GGA2: variants seen among roughly 807,000 people sequenced by gnomAD.
GGA2 encodes golgi associated, gamma adaptin ear containing, ARF binding protein 2.
GGA2 carries 48 observed loss-of-function variants against 79.5 expected under a neutral mutation model. The ratio of observed to expected loss-of-function variants is 0.60; its 90% CI spans 0.48 to 0.77. The LOEUF is 0.77. Ranked by LOEUF, GGA2 falls within the 30% of genes least tolerant of loss-of-function variation. GGA2 has a pLI of 0.00. For synonymous variants in GGA2, 317 were observed against 302.0 expected (o/e 1.05, Z -0.51); for missense variants, 770 against 774.0 (o/e 0.99, Z 0.06).
chr16:23,471,198 A>G (rs1389215359), intron 14 of GGA2, among the ~76,000 whole-genome samples: 2 of 152,126 alleles, frequency 1.3e-5, no homozygotes, highest in East Asian at 1.9e-4. Context: ...TCTCTTTTAT[A>G]TGAGTACAAA....
intron 1 of GGA2, among the ~76,000 whole-genome samples, chr16:23,508,229 G>A (rs560919580): frequency 5.8e-4 from 88 of 152,088 alleles, no homozygotes; most frequent in South Asian, 1.0e-3. Context: ...ACCACACATG[G>A]CTATTTTTTG....
intron 2 of GGA2, among the ~76,000 whole-genome samples, chr16:23,518,398 TG>T (rs34554696): frequency 1.2e-3 from 186 of 152,118 alleles, no homozygotes; most frequent in African/African-American, 4.3e-3. Context: ...TTTGTAAAGA[TG>T]GGGGGGTTTC....
chr16:23,465,687 T>C lies in GGA2; in HGVS notation c.*1903A>G. 3.1e-6 allele frequency: 1 copy of C among 324,594 alleles called. No individual in the cohort carries two copies. Among genetic ancestry groups the C allele is most frequent in the Non-Finnish European group, 5.8e-6 (1 of 173,708 alleles). The allele number at this position is 324,594 out of a possible 1,614,324, so 20.1% of individuals were successfully genotyped here. A position where few individuals can be genotyped will look rare whatever the true frequency, so the allele number is the denominator to read the frequency against. On this transcript the variant is annotated 3_prime_UTR_variant, in exon 17 of 17. Transcript: ENST00000309859. Reference sequence around the variant, plus strand: ...CGGGTGCGGTGGCTCACGCCTGTAATCCCAGCACTCTGGGAGGCCAAGGCA... The same window carrying C: ...CGGGTGCGGTGGCTCACGCCTGTAACCCCAGCACTCTGGGAGGCCAAGGCA...
intron 5 of GGA2, among the ~76,000 whole-genome samples, chr16:23,490,938 C>T (rs907446330): frequency 2.8e-4 from 43 of 151,618 alleles, no homozygotes; most frequent in African/African-American, 9.7e-4. Context: ...TAAAGATGGG[C>T]ATGGTGGCTC....
intron 1 of GGA2, among the ~76,000 whole-genome samples, chr16:23,497,039 C>CCTGAGGCTGA (rs59785925): frequency 1.3e-5 from 2 of 150,398 alleles, no homozygotes; most frequent in South Asian, 4.2e-4. Flanking sequence ...GGAAAGACTG[C>CCTGAGGCTGA]GGCTGCAGTG....
intron 1 of GGA2, among the ~76,000 whole-genome samples, chr16:23,496,280 G>T (rs1341311420): frequency 4.2e-4 from 56 of 134,734 alleles, no homozygotes. Context: ...TCCAGCCCAG[G>T]AGACAGAGGG....
chr16:23,493,051 G>T (rs548668597), intron 4 of GGA2, among the ~76,000 whole-genome samples: 4 of 152,140 alleles, frequency 2.6e-5, no homozygotes, highest in African/African-American at 7.2e-5. Flanking sequence ...AAACTTTCAC[G>T]CCACCCCTGG....
At chr16:23,505,468 C>G (rs182750421) in intron 1 of GGA2, among the ~76,000 whole-genome samples, 10 of 152,156 alleles carry the variant, frequency 6.6e-5, no homozygotes, top group African/African-American at 2.4e-4. Context: ...GCGGCTACAT[C>G]TGCAGTCATG....
In GGA2 at chr16:23,470,281, T is replaced by A. The variant is rs1402879480; in HGVS notation, c.1451-116A>T. 13 of 691,692 alleles carry A rather than the reference T, an allele frequency of 1.9e-5. No homozygotes were observed. The African/African-American group carries it at 2.2e-4, about 12-fold the overall frequency. 42.8% of individuals were successfully genotyped at this position (691,692 alleles called of 1,614,324 possible). A position where few individuals can be genotyped will look rare whatever the true frequency, so the allele number is the denominator to read the frequency against. Reference sequence around the variant, plus strand: ...TGCTGTTGCTTCTCCATGCAGAACATGTCCAGGACTGAATTCCTCTGCACT... The same window carrying A: ...TGCTGTTGCTTCTCCATGCAGAACAAGTCCAGGACTGAATTCCTCTGCACT... On this transcript the variant is annotated intron_variant, in intron 14 of 16. Coordinates refer to ENST00000309859, the MANE Select transcript of GGA2 (RefSeq NM_015044.4).
chr16:23,474,083 C>T (rs1964547526), intron 14 of GGA2, among the ~76,000 whole-genome samples: 1 of 152,184 alleles, frequency 6.6e-6, no homozygotes, highest in African/African-American at 2.4e-5. Flanking sequence ...CCGAGCCTTC[C>T]ATTTCCTTCC....
At chr16:23,510,223 C>T (rs1965022467) in intron 1 of GGA2, 98 bp downstream of exon 1, 7 of 739,620 alleles carry the variant, frequency 9.5e-6, no homozygotes, top group Middle Eastern at 4.3e-4. Context: ...GCCGGCCTCC[C>T]CTGCGGCCGC....
At chr16:23,504,302 T>C (rs1964951491) in intron 1 of GGA2, among the ~76,000 whole-genome samples, 1 of 152,190 alleles carries the variant, frequency 6.6e-6, no homozygotes, top group Admixed American at 6.5e-5. Context: ...TTCAGTTCCT[T>C]GACAAAGTTA....
intron 1 of GGA2, among the ~76,000 whole-genome samples, chr16:23,504,797 G>A (rs917107882): frequency 1.3e-5 from 2 of 152,256 alleles, no homozygotes; most frequent in Admixed American, 6.5e-5. Flanking sequence ...GCAGGACAGA[G>A]GGGTGCTGAG....
At chr16:23,491,177 C>T (rs1190501025) in intron 5 of GGA2, among the ~76,000 whole-genome samples, 1 of 151,622 alleles carries the variant, frequency 6.6e-6, no homozygotes, top group African/African-American at 2.4e-5. Context: ...TATGGTGGCA[C>T]ACGCCTGTAG....
chr16:23,520,481 G>A (rs1298252897), intron 1 of GGA2, among the ~76,000 whole-genome samples: 1 of 151,872 alleles, frequency 6.6e-6, no homozygotes, highest in Non-Finnish European at 1.5e-5. Flanking sequence ...TATTTAAAAT[G>A]TATGAAATTC....
chr16:23,475,291 G>A (rs1391536580), intron 13 of GGA2, among the ~76,000 whole-genome samples: 1 of 150,318 alleles, frequency 6.7e-6, no homozygotes, highest in Non-Finnish European at 1.5e-5. Flanking sequence ...CCAGGCTCAA[G>A]CGATTCTCCT....
intron 2 of GGA2, among the ~76,000 whole-genome samples, chr16:23,515,536 T>C (rs937921768): frequency 1.5e-5 from 2 of 135,818 alleles, no homozygotes; most frequent in African/African-American, 5.7e-5. Context: ...GGTGGAGGCT[T>C]CAGTGAGCTG....
At chr16:23,502,945 G>A (rs1964935787) in intron 1 of GGA2, among the ~76,000 whole-genome samples, 1 of 152,196 alleles carries the variant, frequency 6.6e-6, no homozygotes, top group Non-Finnish European at 1.5e-5. Context: ...AGTTTTTGTG[G>A]AAGGGTGGAT....
rs575958478 is a variant in GGA2 at position 23,500,870 on chromosome 16, T to A, written c.92-5092A>T. 3 of 188,428 alleles carry A rather than the reference T, an allele frequency of 1.6e-5. No homozygotes were observed. The Admixed American group carries it at 1.8e-4, about 11-fold the overall frequency. The allele number at this position is 188,428 out of a possible 1,614,324, so 11.7% of individuals were successfully genotyped here. ...CATCCAAGGGAAAGTACGCTTTTTT[T>A]GAGAAAATATCAAATGAGTGTGCAA... is the stretch of plus-strand genomic sequence containing the variant. On this transcript the variant is annotated intron_variant, in intron 1 of 16. Coordinates refer to ENST00000309859, the MANE Select transcript of GGA2 (RefSeq NM_015044.4).
Sources: gnomAD v4.1 joint callset for allele counts (sites outside exome capture counted in the v4.1 genomes callset) on GRCh38, gnomAD v4.1.1 for gene constraint, MANE v1.5 for transcripts, NCBI Gene and HGNC (gene_info 2026-07-23, HGNC 2026-07-21) for gene names.